Variants in NTM observed in about 807,000 individuals in gnomAD.
NTM encodes the protein IgLON family member 2.
NTM carries 13 observed loss-of-function variants against 42.1 expected under a neutral mutation model. The ratio of observed to expected loss-of-function variants is 0.31; its 90% CI spans 0.20 to 0.49. The LOEUF is 0.49. NTM is among the 20% of genes least tolerant of loss of function. The pLI is 0.99. For missense variants in NTM, 373 were observed against 452.8 expected, an observed-to-expected ratio of 0.82 and a Z score of 1.60; for synonymous variants, 187 against 179.2, an observed-to-expected ratio of 1.04 and a Z score of -0.35.
intron 1 of NTM, among the ~76,000 whole-genome samples, chr11:131,627,131 A>T (rs969468415): frequency 6.6e-6 from 1 of 152,138 alleles, no homozygotes; most frequent in African/African-American, 2.4e-5. Flanking sequence ...ATCTCTAATT[A>T]TCTTGTACCT....
chr11:131,591,880 C>T (rs2059395466), intron 1 of NTM, among the ~76,000 whole-genome samples: 1 of 152,212 alleles, frequency 6.6e-6, no homozygotes, highest in Non-Finnish European at 1.5e-5. Context: ...AACCTCCCTT[C>T]GTTTCTGATT....
chr11:131,801,654 G>A (rs868301384), intron 1 of NTM, among the ~76,000 whole-genome samples: 4 of 151,732 alleles, frequency 2.6e-5, no homozygotes, highest in East Asian at 1.9e-4. Flanking sequence ...TTTGTATCCC[G>A]TGTCATCCTC....
Position 132,335,305 on chromosome 11 carries a change from T to A in NTM, c.*159T>A. ...AAATTTGAGGGAGGGGAACAAAGAA[T>A]ACTTTGGGGGGAAAAAAGTTTTAAA... On this transcript the variant is annotated 3_prime_UTR_variant, in exon 9 of 9. Coordinates refer to ENST00000683400, the MANE Select transcript of NTM (RefSeq NM_001352005.2). 1 of 756,594 alleles carries A rather than the reference T, an allele frequency of 1.3e-6. No individual in the cohort carries two copies. The highest frequency in any genetic ancestry group is 2.1e-6 in the Non-Finnish European group (1 of 486,984). 46.9% of individuals were successfully genotyped at this position (756,594 alleles called of 1,614,324 possible).
At chr11:132,268,048 G>C (rs184371944) in intron 4 of NTM, among the ~76,000 whole-genome samples, 1 of 152,204 alleles carries the variant, frequency 6.6e-6, no homozygotes, top group East Asian at 1.9e-4. Context: ...GAACTAGATT[G>C]TAGAATCCAA....
At chr11:131,378,608 G>A (rs1942265013) in intron 1 of NTM, among the ~76,000 whole-genome samples, 1 of 152,154 alleles carries the variant, frequency 6.6e-6, no homozygotes. Flanking sequence ...AACTTGTCAT[G>A]GGTAGGGGGA....
intron 2 of NTM, among the ~76,000 whole-genome samples, chr11:132,017,113 G>A (rs1438734217): frequency 6.6e-6 from 1 of 151,520 alleles, no homozygotes; most frequent in African/African-American, 2.4e-5. Context: ...TTTAAATGGT[G>A]GGTTTTTTTT....
chr11:131,779,927 G>A lies in NTM; in HGVS notation c.83-131637G>A, dbSNP rs184637919. Among the ~76,000 whole-genome samples, 489 of 152,242 alleles carry A rather than the reference G, an allele frequency of 3.2e-3. 4 individuals are homozygous for A. The highest frequency in any genetic ancestry group is 0.014 in the Middle Eastern group (4 of 294). ...ACTACTCCAAGTGTCATCCAAGGGGGAACAGCACGGGTGTCACCAGGGAAA... is the reference window on the plus strand; with the variant it reads ...ACTACTCCAAGTGTCATCCAAGGGGAAACAGCACGGGTGTCACCAGGGAAA... On this transcript the variant is annotated intron_variant, in intron 1 of 8. Transcript: ENST00000683400.
chr11:131,674,132 G>T (rs1041192946), intron 1 of NTM, among the ~76,000 whole-genome samples: 3 of 152,260 alleles, frequency 2.0e-5, no homozygotes, highest in Non-Finnish European at 4.4e-5. Context: ...CTAGCACGGG[G>T]TGCGGGCGCC....
intron 1 of NTM, among the ~76,000 whole-genome samples, chr11:131,828,365 G>T (rs1208700760): frequency 1.3e-5 from 2 of 151,642 alleles, no homozygotes; most frequent in South Asian, 4.2e-4. Context: ...CACCATCTTT[G>T]CCATCACTGC....
At chr11:132,304,740 C>G (rs1413701379) in intron 4 of NTM, among the ~76,000 whole-genome samples, 1 of 152,126 alleles carries the variant, frequency 6.6e-6, no homozygotes. Flanking sequence ...ATTTATTAAG[C>G]ATATTACTAT....
At chr11:132,155,524 C>T (rs1185489671) in intron 3 of NTM, among the ~76,000 whole-genome samples, 2 of 152,204 alleles carry the variant, frequency 1.3e-5, no homozygotes, top group Admixed American at 6.5e-5. Context: ...TCTCCAGCCT[C>T]AGCCGCCTCC....
intron 7 of NTM, 87 bp downstream of exon 7, chr11:132,314,790 C>CAGAGGTTAGCAGGGTATCAGTGGACATGG: frequency 6.9e-7 from 1 of 1,441,780 alleles, no homozygotes. Context: ...AGGCCAGGGT[C>CAGAGGTTAGCAGGGTATCAGTGGACATGG]AGAGGTTAGC....
At chr11:132,077,829 T>G (rs1253857646) in intron 2 of NTM, among the ~76,000 whole-genome samples, 2 of 152,196 alleles carry the variant, frequency 1.3e-5, no homozygotes, top group Non-Finnish European at 2.9e-5. Flanking sequence ...TCAAACTCCT[T>G]GCCTCAAGCA....
At chr11:131,791,854 A>C (rs1290987609) in intron 1 of NTM, among the ~76,000 whole-genome samples, 2 of 152,196 alleles carry the variant, frequency 1.3e-5, no homozygotes, top group Admixed American at 6.5e-5. Flanking sequence ...CTGGTTGTTT[A>C]ATTTGAGGCA....
intron 3 of NTM, among the ~76,000 whole-genome samples, chr11:132,200,998 T>C (rs1378912157): frequency 6.6e-6 from 1 of 152,108 alleles, no homozygotes; most frequent in Non-Finnish European, 1.5e-5. Flanking sequence ...TAGCAAAATG[T>C]TTTTTCTCTC....
intron 4 of NTM, among the ~76,000 whole-genome samples, chr11:132,280,879 A>G (rs982050905): frequency 1.3e-5 from 2 of 152,208 alleles, no homozygotes; most frequent in Non-Finnish European, 2.9e-5. Flanking sequence ...ACCTATAGCT[A>G]GCTGTTCCTC....
chr11:131,733,463 TTTCC>T (rs555056062), intron 1 of NTM, among the ~76,000 whole-genome samples: 28,712 of 112,270 alleles, frequency 0.26, 4,073 homozygotes, highest in Middle Eastern at 0.32. Context: ...TCCTTCCTTC[TTTCC>T]TTCCTTCCTT....
chr11:132,211,545 A>G (rs1472976702), intron 3 of NTM, among the ~76,000 whole-genome samples: 1 of 152,220 alleles, frequency 6.6e-6, no homozygotes, highest in Non-Finnish European at 1.5e-5. Context: ...TGGCCATGGA[A>G]AGGTGGGCTG....
At chr11:131,930,589 T>G (rs952716564) in intron 2 of NTM, among the ~76,000 whole-genome samples, 1 of 152,210 alleles carries the variant, frequency 6.6e-6, no homozygotes. Context: ...TGGCACAATC[T>G]AAGAAATAGA....
Sources: gnomAD v4.1 joint callset for allele counts (sites outside exome capture counted in the v4.1 genomes callset) on GRCh38, gnomAD v4.1.1 for gene constraint, MANE v1.5 for transcripts, NCBI Gene and HGNC (gene_info 2026-07-23, HGNC 2026-07-21) for gene names.